ROBO1: variants seen among roughly 807,000 people sequenced by gnomAD.
ROBO1 encodes roundabout guidance receptor 1, also known as roundabout homolog 1.
Under a neutral mutation model 195.9 loss-of-function variants are expected in ROBO1, and 149 were observed. The observed-to-expected ratio is 0.76, with a 90% CI of 0.67 to 0.87. The LOEUF is 0.87. ROBO1 is among the 40% of genes least tolerant of loss of function. ROBO1 has a pLI of 0.00. For missense variants in ROBO1, 1,933 were observed against 2,068.3 expected, an observed-to-expected ratio of 0.93 and a Z score of 1.27; for synonymous variants, 816 against 733.2, an observed-to-expected ratio of 1.11 and a Z score of -1.82.
intron 2 of ROBO1, among the ~76,000 whole-genome samples, chr3:79,126,268 A>G (rs1434280121): frequency 6.6e-6 from 1 of 152,206 alleles, no homozygotes; most frequent in Non-Finnish European, 1.5e-5. Flanking sequence ...CAAATTCCGT[A>G]TAAGTATTTT....
At chr3:78,600,666 A>C (rs1440191728) in intron 29 of ROBO1, among the ~76,000 whole-genome samples, 1 of 152,138 alleles carries the variant, frequency 6.6e-6, no homozygotes, top group South Asian at 2.1e-4. Flanking sequence ...TTTAGGCTTT[A>C]GTTTCTACTT....
intron 4 of ROBO1, among the ~76,000 whole-genome samples, chr3:78,845,018 GA>G (rs1347822685): frequency 1.3e-5 from 2 of 151,902 alleles, no homozygotes; most frequent in Non-Finnish European, 2.9e-5. Context: ...GTAGATTGAA[GA>G]AAAAAATGTT....
chr3:78,693,227 CA>C, intron 8 of ROBO1: 1 of 1,336,424 alleles, frequency 7.5e-7, no homozygotes, highest in Non-Finnish European at 1.0e-6. Context: ...TGGCCAATGA[CA>C]AGTGAAACAT....
At chr3:79,495,588 A>AG (rs767080324) in intron 2 of ROBO1, among the ~76,000 whole-genome samples, 66 of 152,260 alleles carry the variant, frequency 4.3e-4, no homozygotes, top group Non-Finnish European at 8.4e-4. Flanking sequence ...TTAAGACATA[A>AG]GGGGGAAGTG....
chr3:79,437,712 A>C (rs918512466), intron 2 of ROBO1, among the ~76,000 whole-genome samples: 3 of 152,012 alleles, frequency 2.0e-5, no homozygotes, highest in Non-Finnish European at 4.4e-5. Flanking sequence ...AAGCTAGTCT[A>C]CTGTGATAGA....
chr3:79,055,367 C>T (rs544645253), intron 3 of ROBO1, among the ~76,000 whole-genome samples: 4 of 152,178 alleles, frequency 2.6e-5, no homozygotes, highest in African/African-American at 9.6e-5. Flanking sequence ...AACAATGGCC[C>T]ACCTGCACCA....
chr3:78,843,558 G>A (rs1055429831), intron 4 of ROBO1, among the ~76,000 whole-genome samples: 1 of 151,928 alleles, frequency 6.6e-6, no homozygotes, highest in Non-Finnish European at 1.5e-5. Context: ...GGTATCAGAT[G>A]AACCTGTTTG....
At chr3:79,138,197 T>C (rs2080452439) in intron 2 of ROBO1, among the ~76,000 whole-genome samples, 1 of 152,048 alleles carries the variant, frequency 6.6e-6, no homozygotes, top group Non-Finnish European at 1.5e-5. Flanking sequence ...AATCTTTTGG[T>C]GTAAGTTGAA....
intron 1 of ROBO1, among the ~76,000 whole-genome samples, chr3:79,728,215 C>T (rs1560136852): frequency 6.6e-6 from 1 of 151,852 alleles, no homozygotes; most frequent in Non-Finnish European, 1.5e-5. Context: ...CCTAGTACTC[C>T]ACTCTCTATG....
At chr3:79,750,126 G>A (rs1320351633) in intron 1 of ROBO1, among the ~76,000 whole-genome samples, 1 of 152,244 alleles carries the variant, frequency 6.6e-6, no homozygotes, top group African/African-American at 2.4e-5. Flanking sequence ...ACCTGGATGT[G>A]AGGCATGGAG....
chr3:79,353,400 AACAC>A lies in ROBO1; in HGVS notation c.89-227865_89-227862del, dbSNP rs10608740. ...AAGAATATAGAAACACACAGAAACA[AACAC>A]ACACACACACACACACACACACACA... On this transcript the variant is annotated intron_variant, in intron 2 of 30. Transcript: ENST00000464233. Among the ~76,000 whole-genome samples, 843 of 147,522 alleles carry A rather than the reference AACAC, an allele frequency of 5.7e-3. 2 individuals carry two copies. The highest frequency in any genetic ancestry group is 0.014 in the Middle Eastern group (4 of 288).
intron 3 of ROBO1, chr3:79,019,505 C>A (rs771439004): frequency 2.5e-5 from 25 of 986,088 alleles, no homozygotes; most frequent in African/African-American, 3.5e-5. Flanking sequence ...AGTTCCCTCC[C>A]TCTCCTCCCC....
At chr3:78,964,634 T>A (rs983940826) in intron 3 of ROBO1, among the ~76,000 whole-genome samples, 6 of 152,044 alleles carry the variant, frequency 3.9e-5, no homozygotes, top group African/African-American at 1.4e-4. Context: ...TGAAGAGCAG[T>A]GGGAAGAGAC....
At chr3:79,733,752 T>C (rs1292053671) in intron 1 of ROBO1, among the ~76,000 whole-genome samples, 2 of 152,184 alleles carry the variant, frequency 1.3e-5, no homozygotes, top group African/African-American at 4.8e-5. Context: ...TACTCTATCA[T>C]TATTTATCAC....
chr3:79,299,658 T>C (rs2032789948), intron 2 of ROBO1, among the ~76,000 whole-genome samples: 1 of 152,288 alleles, frequency 6.6e-6, no homozygotes, highest in Non-Finnish European at 1.5e-5. Flanking sequence ...ATAATAATTT[T>C]TAATTGAGAT....
At chr3:78,644,820 C>A (rs1025954604) in intron 21 of ROBO1, among the ~76,000 whole-genome samples, 2 of 152,172 alleles carry the variant, frequency 1.3e-5, no homozygotes, top group South Asian at 2.1e-4. Flanking sequence ...CACACACCCA[C>A]GCACAGAGGC....
At chr3:78,695,731 A>C (rs145344886) in intron 8 of ROBO1, among the ~76,000 whole-genome samples, 2 of 152,146 alleles carry the variant, frequency 1.3e-5, no homozygotes, top group African/African-American at 4.8e-5. Context: ...CTTCTAAAAC[A>C]TGAGAGGTTT....
intron 3 of ROBO1, among the ~76,000 whole-genome samples, chr3:79,115,433 C>T (rs371722136): frequency 3.3e-5 from 5 of 152,040 alleles, no homozygotes; most frequent in Non-Finnish European, 4.4e-5. Flanking sequence ...ATATTTAGCA[C>T]GGTAAACAAT....
chr3:79,510,208 G>C (rs764826150), intron 2 of ROBO1, among the ~76,000 whole-genome samples: 1 of 152,134 alleles, frequency 6.6e-6, no homozygotes, highest in Non-Finnish European at 1.5e-5. Flanking sequence ...CACCGGATAG[G>C]AGGTAATTGA....
Sources: gnomAD v4.1 joint callset for allele counts (sites outside exome capture counted in the v4.1 genomes callset) on GRCh38, gnomAD v4.1.1 for gene constraint, MANE v1.5 for transcripts, NCBI Gene and HGNC (gene_info 2026-07-23, HGNC 2026-07-21) for gene names.